The following DSCAM variants were observed in gnomAD, a reference collection of about 807,000 sequenced individuals.
DSCAM encodes the protein cell adhesion molecule DSCAM.
DSCAM carries 47 observed loss-of-function variants against 217.7 expected under a neutral mutation model. The observed-to-expected ratio is 0.22, with a 90% confidence interval of 0.17 to 0.28. The LOEUF (loss-of-function observed/expected upper bound fraction) is 0.28. Ranked by LOEUF, DSCAM falls within the 10% of genes least tolerant of loss-of-function variation. The pLI is 1.00. For synonymous variants in DSCAM, 1,056 were observed against 1,015.3 expected (o/e 1.04, Z -0.76); for missense variants, 2,080 against 2,618.3 (o/e 0.79, Z 4.49).
chr21:40,623,775 A>AT, intron 3 of DSCAM, among the ~76,000 whole-genome samples: 1 of 152,290 alleles, frequency 6.6e-6, no homozygotes, highest in South Asian at 2.1e-4. Flanking sequence ...TCATATGTAA[A>AT]TATGTGGTCA....
intron 18 of DSCAM, among the ~76,000 whole-genome samples, chr21:40,138,057 A>T (rs2090234544): frequency 6.6e-6 from 1 of 152,214 alleles, no homozygotes; most frequent in Non-Finnish European, 1.5e-5. Flanking sequence ...ATGAAAAAAA[A>T]ATCAGAAAAT....
At chr21:40,521,696 T>C (rs1054693481) in intron 3 of DSCAM, among the ~76,000 whole-genome samples, 5 of 152,086 alleles carry the variant, frequency 3.3e-5, no homozygotes, top group Admixed American at 3.3e-4. Flanking sequence ...GTGAATAGAA[T>C]GGGGTAAGGA....
chr21:40,239,908 G>C (rs949702545), intron 11 of DSCAM, among the ~76,000 whole-genome samples: 1 of 152,122 alleles, frequency 6.6e-6, no homozygotes, highest in Non-Finnish European at 1.5e-5. Context: ...ACATACGCAG[G>C]GGCCTCTCCA....
intron 3 of DSCAM, among the ~76,000 whole-genome samples, chr21:40,550,430 C>T (rs2076620385): frequency 6.6e-6 from 1 of 152,166 alleles, no homozygotes; most frequent in South Asian, 2.1e-4. Context: ...GAGGCTGAGG[C>T]AGGAGAATCA....
Position 40,411,173 on chromosome 21 carries a change from T to TACAC in DSCAM, c.509-41929_509-41928insGTGT, listed in dbSNP as rs1491582508. Among the ~76,000 whole-genome samples, 39 of 134,846 alleles carry TACAC rather than the reference T, an allele frequency of 2.9e-4. 1 individual carries two copies. The highest frequency in any genetic ancestry group is 3.8e-3 in the Middle Eastern group (1 of 260). 88.5% of individuals were successfully genotyped at this position (134,846 alleles called of 152,430 possible). On this transcript the variant is annotated intron_variant, in intron 3 of 32. Coordinates refer to ENST00000400454, the MANE Select transcript of DSCAM (RefSeq NM_001389.5). ...ATTACTTGAAGATAGACAGTAATTA[T>TACAC]ATACACACACACACACACACACACA...
intron 3 of DSCAM, among the ~76,000 whole-genome samples, chr21:40,474,569 C>G (rs896104832): frequency 6.6e-5 from 10 of 152,182 alleles, no homozygotes; most frequent in South Asian, 2.1e-4. Flanking sequence ...CCCCTTCCCC[C>G]CTGAGCTGGA....
At chr21:40,020,940 G>T (rs2088255068) in intron 32 of DSCAM, among the ~76,000 whole-genome samples, 1 of 152,148 alleles carries the variant, frequency 6.6e-6, no homozygotes, top group African/African-American at 2.4e-5. Context: ...CCTAAGTGAG[G>T]GTGAGGGATG....
chr21:40,241,249 G>T (rs988428435), intron 11 of DSCAM, among the ~76,000 whole-genome samples: 1 of 152,076 alleles, frequency 6.6e-6, no homozygotes, highest in African/African-American at 2.4e-5. Context: ...ACTGACAAAG[G>T]TCTAATATTT....
intron 16 of DSCAM, among the ~76,000 whole-genome samples, chr21:40,158,358 G>A (rs2090502568): frequency 1.3e-5 from 2 of 152,026 alleles, no homozygotes; most frequent in South Asian, 4.2e-4. Context: ...CCACTACACT[G>A]CATTCAGCCT....
intron 30 of DSCAM, among the ~76,000 whole-genome samples, chr21:40,045,957 C>G (rs538665943): frequency 9.2e-5 from 14 of 152,290 alleles, no homozygotes; most frequent in African/African-American, 3.1e-4. Flanking sequence ...ATTCATAGAC[C>G]TAGGGTCACT....
chr21:40,743,812 T>A (rs2091148480), intron 1 of DSCAM, among the ~76,000 whole-genome samples: 1 of 152,106 alleles, frequency 6.6e-6, no homozygotes, highest in Admixed American at 6.5e-5. Context: ...TTTCTTATAA[T>A]CAAATCTGCT....
intron 3 of DSCAM, among the ~76,000 whole-genome samples, chr21:40,444,918 C>A (rs1171244649): frequency 5.9e-5 from 9 of 152,354 alleles, no homozygotes; most frequent in Admixed American, 1.3e-4. Flanking sequence ...CAAAGCTTCT[C>A]TATCACTGAC....
intron 18 of DSCAM, among the ~76,000 whole-genome samples, chr21:40,138,719 G>A (rs1489222665): frequency 2.0e-5 from 3 of 148,904 alleles, no homozygotes; most frequent in East Asian, 4.0e-4. Flanking sequence ...TGTGTGTGGT[G>A]TGTATGTATG....
At chr21:40,123,682 T>A (rs1218033772) in intron 20 of DSCAM, among the ~76,000 whole-genome samples, 4 of 152,040 alleles carry the variant, frequency 2.6e-5, no homozygotes, top group Non-Finnish European at 5.9e-5. Context: ...TAGATCTTCA[T>A]TAAAGTCCCT....
intron 1 of DSCAM, among the ~76,000 whole-genome samples, chr21:40,810,021 C>T (rs897151487): frequency 5.3e-5 from 8 of 152,204 alleles, no homozygotes; most frequent in Admixed American, 2.6e-4. Flanking sequence ...AAGGAACAGC[C>T]GTCCCCACCA....
chr21:40,822,730 G>A (rs374786405), intron 1 of DSCAM, among the ~76,000 whole-genome samples: 8 of 152,226 alleles, frequency 5.3e-5, no homozygotes, highest in African/African-American at 9.6e-5. Flanking sequence ...TCTGTATCAC[G>A]TTGAGATGGG....
chr21:40,769,803 C>A (rs937920318), intron 1 of DSCAM, among the ~76,000 whole-genome samples: 1 of 152,184 alleles, frequency 6.6e-6, no homozygotes, highest in African/African-American at 2.4e-5. Flanking sequence ...CCTTCACCAA[C>A]CCCCAGGTGG....
At chr21:40,698,272 G>A (rs1341802412) in intron 2 of DSCAM, among the ~76,000 whole-genome samples, 2 of 152,174 alleles carry the variant, frequency 1.3e-5, no homozygotes, top group East Asian at 1.9e-4. Context: ...GCCTGCAGAT[G>A]TAACAAATTG....
chr21:40,845,542 T>TC (rs2092137375), intron 1 of DSCAM, among the ~76,000 whole-genome samples: 1 of 103,600 alleles, frequency 9.7e-6, no homozygotes, highest in African/African-American at 3.5e-5. Context: ...CTTCTTCTCC[T>TC]CTCTCTCTCT....
Sources: allele counts gnomAD v4.1 joint callset (sites outside exome capture counted in the v4.1 genomes callset), GRCh38; gene constraint gnomAD v4.1.1; transcripts MANE v1.5; gene names NCBI Gene and HGNC (gene_info 2026-07-23, HGNC 2026-07-21).